Variants in EFCAB5 observed in about 807,000 individuals in gnomAD.
EFCAB5 encodes EF-hand calcium-binding domain-containing protein 5.
Under a neutral mutation model 167.9 loss-of-function variants are expected in EFCAB5, and 131 were observed. The ratio of observed to expected loss-of-function variants is 0.78; its 90% CI spans 0.68 to 0.90. EFCAB5 has a LOEUF of 0.90. Ranked by LOEUF, EFCAB5 falls within the 40% of genes least tolerant of loss-of-function variation. The pLI, the probability that EFCAB5 is intolerant of heterozygous loss-of-function variation, is 0.00. For missense variants in EFCAB5, 1,663 were observed against 1,745.2 expected, an observed-to-expected ratio of 0.95 and a Z score of 0.84; for synonymous variants, 574 against 602.8, an observed-to-expected ratio of 0.95 and a Z score of 0.70.
At chr17:30,007,795 C>T (rs543191508) in intron 7 of EFCAB5, among the ~76,000 whole-genome samples, 21 of 152,112 alleles carry the variant, frequency 1.4e-4, no homozygotes, top group East Asian at 7.8e-4. Context: ...AAGACCAGCC[C>T]GGGCAACATA....
At chr17:30,035,634 G>T (rs773580670) in intron 8 of EFCAB5, among the ~76,000 whole-genome samples, 1 of 152,154 alleles carries the variant, frequency 6.6e-6, no homozygotes, top group Non-Finnish European at 1.5e-5. Context: ...ACAGTAAACC[G>T]TGAAAATGTG....
At chr17:30,050,558 T>A (rs1386509916) in intron 8 of EFCAB5, among the ~76,000 whole-genome samples, 2 of 152,144 alleles carry the variant, frequency 1.3e-5, no homozygotes, top group African/African-American at 4.8e-5. Flanking sequence ...GCCTCTGGAG[T>A]GGCTAGGACT....
chr17:30,092,796 C>A, intron 21 of EFCAB5, 44 bp from the exon 22 acceptor site: 1 of 1,433,162 alleles, frequency 7.0e-7, no homozygotes. Flanking sequence ...TGTATTTCTG[C>A]TTCCTGGTGA....
At chr17:30,070,634 A>G (rs144357873) in intron 14 of EFCAB5, among the ~76,000 whole-genome samples, 42 of 152,296 alleles carry the variant, frequency 2.8e-4, no homozygotes, top group African/African-American at 9.6e-4. Context: ...GGATGTTCAT[A>G]TGAAGGAAAA....
chr17:29,969,030 G>T lies in EFCAB5; in HGVS notation c.430G>T (p.Glu144Ter). ...IDKENLKKEL[E>*]KKAEKKLPRD... ...TAAGGAAAATCTGAAGAAGGAACTA[G>T]AAAAAAAGGCTGAAAAAAAACTCCC... The change falls in exon 4 of 23, where the codon GAA (glutamate) becomes TAA (stop). Residue 144 changes from glutamate (E) to a stop codon, truncating the protein, a stop_gained. Coordinates refer to ENST00000394835, the MANE Select transcript of EFCAB5 (RefSeq NM_198529.4). LOFTEE classifies it high-confidence loss of function. 2 of 1,595,156 alleles carry T rather than the reference G, an allele frequency of 1.3e-6. No homozygotes were observed. Among genetic ancestry groups the T allele is most frequent in the Non-Finnish European group, 8.5e-7 (1 of 1,172,376 alleles).
intron 22 of EFCAB5, among the ~76,000 whole-genome samples, chr17:30,097,388 A>G (rs2071318520): frequency 2.6e-5 from 4 of 152,208 alleles, no homozygotes; most frequent in Admixed American, 2.6e-4. Context: ...AAAAGGTCAC[A>G]TAGAACTAAA....
upstream of EFCAB5, among the ~76,000 whole-genome samples, chr17:29,938,154 A>G (rs1438228898): frequency 6.6e-6 from 1 of 152,130 alleles, no homozygotes; most frequent in Admixed American, 6.5e-5. Context: ...TTGGTTCCAG[A>G]CCACTACAAT....
chr17:30,101,706 A>G (rs2071384899), intron 22 of EFCAB5, among the ~76,000 whole-genome samples: 1 of 152,214 alleles, frequency 6.6e-6, no homozygotes, highest in African/African-American at 2.4e-5. Flanking sequence ...TTTGCCACAA[A>G]GGGGAGCAAA....
At chr17:30,035,641 T>C (rs2069595172) in intron 8 of EFCAB5, among the ~76,000 whole-genome samples, 1 of 152,124 alleles carries the variant, frequency 6.6e-6, no homozygotes, top group African/African-American at 2.4e-5. Flanking sequence ...ACCGTGAAAA[T>C]GTGATTAAAT....
At chr17:30,096,334 T>A (rs936828081) in intron 22 of EFCAB5, among the ~76,000 whole-genome samples, 4 of 152,186 alleles carry the variant, frequency 2.6e-5, no homozygotes, top group Non-Finnish European at 5.9e-5. Flanking sequence ...TTTACATGTA[T>A]AGATAACATT....
chr17:30,088,924 C>T (rs2071141039), intron 19 of EFCAB5, among the ~76,000 whole-genome samples: 1 of 152,112 alleles, frequency 6.6e-6, no homozygotes, highest in Non-Finnish European at 1.5e-5. Flanking sequence ...ACTCATAGCC[C>T]TGGATTCTTT....
chr17:30,076,806 CACTG>C (rs1342097466), intron 14 of EFCAB5, among the ~76,000 whole-genome samples: 1 of 152,202 alleles, frequency 6.6e-6, no homozygotes, highest in Non-Finnish European at 1.5e-5. Context: ...CCGAAACACC[CACTG>C]ACTGTAGAAT....
In EFCAB5 at chr17:29,931,397, C is replaced by T. The variant is rs571063578; in HGVS notation, c.-127+2068C>T. On this transcript the variant is annotated intron_variant, in intron 1 of 3. Coordinates refer to the EFCAB5 transcript ENST00000448319. ...CGCCACAAGAGTCCTCTGTGCTGAG[C>T]CTTTGTTCTCTCCCTGGGGCCCTGT... 5.9e-5 allele frequency among the ~76,000 whole-genome samples: 9 copies of T among 152,260 alleles called. No homozygotes were observed. In the South Asian group the frequency reaches 1.7e-3, roughly 28 times the overall value.
chr17:29,941,783 C>G lies in EFCAB5; in HGVS notation c.-14C>G. Reference sequence around the variant, plus strand: ...ATTCTTCTATACCATTTGGTGATAACTTTTGGAGTCCAAATGAATGAGTCA... The same window carrying G: ...ATTCTTCTATACCATTTGGTGATAAGTTTTGGAGTCCAAATGAATGAGTCA... On this transcript the variant is annotated 5_prime_UTR_variant, in exon 1 of 23. Coordinates refer to ENST00000394835, the MANE Select transcript of EFCAB5 (RefSeq NM_198529.4). 2 of 1,600,014 alleles carry G rather than the reference C, an allele frequency of 1.2e-6. No individual in the cohort carries two copies. Among genetic ancestry groups the G allele is most frequent in the Non-Finnish European group, 1.7e-6 (2 of 1,171,838 alleles).
In EFCAB5 at chr17:30,080,053, C is replaced by A. The variant is rs369215760; in HGVS notation, c.3028-19C>A. The A allele has an allele frequency of 3.1e-6, 5 of 1,588,982 alleles. No individual in the cohort carries two copies. The South Asian group carries it at 4.6e-5, about 15-fold the overall frequency. ...CTTTGGCTGTTGGCAAACACATGGTCGGAAACGTTTTGCTGTAGGATGCTG... is the reference window on the plus strand; with the variant it reads ...CTTTGGCTGTTGGCAAACACATGGTAGGAAACGTTTTGCTGTAGGATGCTG... On this transcript the variant is annotated intron_variant, in intron 15 of 22. Transcript: ENST00000394835.
intron 14 of EFCAB5, among the ~76,000 whole-genome samples, chr17:30,070,493 A>T (rs926933861): frequency 2.0e-5 from 3 of 152,236 alleles, no homozygotes; most frequent in African/African-American, 7.2e-5. Flanking sequence ...AAAAACACAT[A>T]GACCAATGGA....
At chr17:30,086,221 C>T (rs1298918331) in intron 18 of EFCAB5, among the ~76,000 whole-genome samples, 1 of 151,996 alleles carries the variant, frequency 6.6e-6, no homozygotes, top group Non-Finnish European at 1.5e-5. Context: ...GTGTTTCCTA[C>T]AGTTACTGTA....
chr17:30,075,073 G>T (rs935390532), intron 14 of EFCAB5, among the ~76,000 whole-genome samples: 1 of 152,010 alleles, frequency 6.6e-6, no homozygotes, highest in African/African-American at 2.4e-5. Flanking sequence ...ACACAACAGG[G>T]TTCATTCTAG....
chr17:29,973,766 G>A (rs539590724), intron 4 of EFCAB5, among the ~76,000 whole-genome samples: 5 of 148,246 alleles, frequency 3.4e-5, no homozygotes, highest in South Asian at 4.6e-4. Flanking sequence ...GTGAGCCACC[G>A]CGCCTGGCCT....
Sources: gnomAD v4.1 joint callset for allele counts (sites outside exome capture counted in the v4.1 genomes callset) on GRCh38, gnomAD v4.1.1 for gene constraint, MANE v1.5 for transcripts, NCBI Gene and HGNC (gene_info 2026-07-23, HGNC 2026-07-21) for gene names.